The following OLA1 variants were observed in gnomAD, a reference collection of about 807,000 sequenced individuals.
OLA1 encodes obg-like ATPase 1.
Under a neutral mutation model 48.4 loss-of-function variants are expected in OLA1, and 14 were observed. The observed-to-expected ratio is 0.29, with a 90% CI of 0.19 to 0.45. OLA1 has a LOEUF of 0.45. Among genes scored for constraint, OLA1 ranks in the 20% least tolerant of loss-of-function variants. OLA1 has a pLI of 1.00. For missense variants in OLA1, 325 were observed against 467.1 expected, an observed-to-expected ratio of 0.70 and a Z score of 2.80; for synonymous variants, 127 against 150.4, an observed-to-expected ratio of 0.84 and a Z score of 1.14.
chr2:174,208,795 C>T (rs1406181129), intron 4 of OLA1, among the ~76,000 whole-genome samples: 1 of 152,200 alleles, frequency 6.6e-6, no homozygotes, highest in East Asian at 1.9e-4. Flanking sequence ...AACTTCTTAT[C>T]TATTCCCTTA....
chr2:174,196,880 A>T (rs1687888596), intron 4 of OLA1, among the ~76,000 whole-genome samples: 1 of 152,242 alleles, frequency 6.6e-6, no homozygotes, highest in Admixed American at 6.5e-5. Context: ...CAACCTAAAA[A>T]AGAAGCTGAA....
intron 7 of OLA1, among the ~76,000 whole-genome samples, chr2:174,104,483 T>TAG (rs1558955456): frequency 6.6e-6 from 1 of 152,082 alleles, no homozygotes; most frequent in Non-Finnish European, 1.5e-5. Context: ...AATTCATACA[T>TAG]AGCTAATGCA....
intron 7 of OLA1, among the ~76,000 whole-genome samples, chr2:174,103,617 T>C (rs570511204): frequency 2.6e-5 from 4 of 152,196 alleles, no homozygotes; most frequent in Non-Finnish European, 4.4e-5. Context: ...TAAAAGTCAG[T>C]GTTGAACAAA....
intron 10 of OLA1, among the ~76,000 whole-genome samples, chr2:174,077,753 TA>T (rs1295135841): frequency 1.3e-5 from 2 of 151,952 alleles, no homozygotes. Flanking sequence ...TTTAAGAGTA[TA>T]AAAAAAGAAG....
At chr2:174,101,263 C>T (rs183215874) in intron 7 of OLA1, among the ~76,000 whole-genome samples, 36 of 152,260 alleles carry the variant, frequency 2.4e-4, no homozygotes, top group Admixed American at 9.2e-4. Flanking sequence ...TTTCCATGAT[C>T]GCTTAAAGAT....
At chr2:174,221,448 C>G (rs1362643403) in intron 4 of OLA1, among the ~76,000 whole-genome samples, 1 of 152,168 alleles carries the variant, frequency 6.6e-6, no homozygotes, top group Non-Finnish European at 1.5e-5. Flanking sequence ...CTCAACCTAC[C>G]TGTTCTGAAA....
intron 4 of OLA1, among the ~76,000 whole-genome samples, chr2:174,147,881 T>A (rs912922355): frequency 2.0e-5 from 3 of 152,322 alleles, no homozygotes; most frequent in Admixed American, 2.0e-4. Context: ...TGGAGTGTAG[T>A]GGTGGGATCT....
chr2:174,193,341 C>T (rs904756304), intron 4 of OLA1, among the ~76,000 whole-genome samples: 3 of 152,128 alleles, frequency 2.0e-5, no homozygotes, highest in Non-Finnish European at 4.4e-5. Flanking sequence ...CCACCCACCT[C>T]GGCCTCCCAA....
At chr2:174,165,596 C>A (rs1022329038) in intron 4 of OLA1, among the ~76,000 whole-genome samples, 6 of 152,166 alleles carry the variant, frequency 3.9e-5, no homozygotes, top group Admixed American at 1.3e-4. Flanking sequence ...AATTCTTGTT[C>A]CCTTTCATCT....
chr2:174,148,895 T>G (rs1686678276), intron 4 of OLA1, among the ~76,000 whole-genome samples: 1 of 152,226 alleles, frequency 6.6e-6, no homozygotes, highest in South Asian at 2.1e-4. Flanking sequence ...GACCTCAATC[T>G]ATTACACCTC....
At chr2:174,213,632 T>TA (rs1559008208) in intron 4 of OLA1, among the ~76,000 whole-genome samples, 1 of 152,154 alleles carries the variant, frequency 6.6e-6, no homozygotes, top group East Asian at 1.9e-4. Context: ...GAGAAAAAGT[T>TA]AGTGGTTTTT....
At chr2:174,187,727 T>C (rs1417863666) in intron 4 of OLA1, among the ~76,000 whole-genome samples, 2 of 152,088 alleles carry the variant, frequency 1.3e-5, no homozygotes, top group East Asian at 3.9e-4. Context: ...CAACGAAGAG[T>C]AAATAGAAAA....
intron 4 of OLA1, among the ~76,000 whole-genome samples, chr2:174,182,253 G>A (rs1041491033): frequency 1.2e-4 from 18 of 152,142 alleles, no homozygotes; most frequent in Non-Finnish European, 1.9e-4. Context: ...GGCCGGGCGC[G>A]GTGGCTCACG....
intron 7 of OLA1, among the ~76,000 whole-genome samples, chr2:174,117,765 C>T (rs1342827685): frequency 2.6e-5 from 4 of 152,218 alleles, no homozygotes; most frequent in Non-Finnish European, 5.9e-5. Flanking sequence ...ACCTGTTATT[C>T]AAATCCTACA....
rs199691931 is a variant in OLA1, at chr2:174,223,084, T to A, written c.322A>T (p.Asn108Tyr). 60 of 1,613,638 alleles carry A rather than the reference T, an allele frequency of 3.7e-5. No homozygotes were observed. The Admixed American group carries it at 1.0e-3, about 27-fold the overall frequency. Residue 108 changes from asparagine to tyrosine, a missense_variant, in exon 4 of 11, where the codon AAT (asparagine) becomes TAT (tyrosine). Coordinates refer to ENST00000284719, the MANE Select transcript of OLA1 (RefSeq NM_013341.5). ...GCACTAATATGAGATAAAAAAGCAT[T>A]CCCCAGGCCCTGCCCATTGTGAGCT... ...KGAHNGQGLG[N>Y]AFLSHISACD... is the part of the protein sequence containing the mutation.
At chr2:174,144,930 TAAAAAAAAA>T (rs71021671) in intron 4 of OLA1, among the ~76,000 whole-genome samples, 46 of 41,102 alleles carry the variant, frequency 1.1e-3, no homozygotes, top group African/African-American at 1.9e-3. Flanking sequence ...AGACCCTGTT[TAAAAAAAAA>T]AAAAAAAAAA....
At chr2:174,080,938 A>C in intron 9 of OLA1, 2 of 489,510 alleles carry the variant, frequency 4.1e-6, no homozygotes, top group Non-Finnish European at 7.3e-6. Context: ...AATTCAGACT[A>C]TGTAATAGGC....
intron 7 of OLA1, among the ~76,000 whole-genome samples, chr2:174,106,153 A>G (rs910201351): frequency 6.6e-6 from 1 of 152,034 alleles, no homozygotes; most frequent in Non-Finnish European, 1.5e-5. Context: ...TTTGCTTTTT[A>G]AAAATAGGAC....
At chr2:174,232,715 G>A (rs1298525693) in intron 2 of OLA1, among the ~76,000 whole-genome samples, 1 of 152,184 alleles carries the variant, frequency 6.6e-6, no homozygotes, top group African/African-American at 2.4e-5. Context: ...GATGATAAGT[G>A]TTGGCAAGAG....
Sources: gnomAD v4.1 joint callset for allele counts (sites outside exome capture counted in the v4.1 genomes callset) on GRCh38, gnomAD v4.1.1 for gene constraint, MANE v1.5 for transcripts, NCBI Gene and HGNC (gene_info 2026-07-23, HGNC 2026-07-21) for gene names.